FOXP1: variants seen among roughly 807,000 people sequenced by gnomAD.
FOXP1 encodes forkhead box P1.
Under a neutral mutation model 98.2 loss-of-function variants are expected in FOXP1, and 15 were observed. The ratio of observed to expected loss-of-function variants is 0.15; its 90% CI spans 0.10 to 0.24. The LOEUF (loss-of-function observed/expected upper bound fraction) is 0.24. FOXP1 is among the 10% of genes least tolerant of loss of function. The pLI is 1.00. For synonymous variants in FOXP1, 371 were observed against 314.5 expected, an observed-to-expected ratio of 1.18 and a Z score of -1.90; for missense variants, 633 against 848.5, an observed-to-expected ratio of 0.75 and a Z score of 3.15.
rs541979281 is a variant in FOXP1, at chr3:70,966,802, C to T, written c.1723-746G>A. 2.6e-5 allele frequency among the ~76,000 whole-genome samples: 4 copies of T among 152,018 alleles called. 1 individual carries two copies. Among genetic ancestry groups the T allele is most frequent in the African/African-American group, 9.6e-5 (4 of 41,478 alleles). On this transcript the variant is annotated intron_variant, in intron 19 of 20. Coordinates refer to ENST00000649528, the MANE Select transcript of FOXP1 (RefSeq NM_001349338.3). Reference sequence around the variant, plus strand: ...CAAAGTTACTCCACGTGAGTGTCAGCAAAAAAGTGAGGAAATGAAAAAGAA... The same window carrying T: ...CAAAGTTACTCCACGTGAGTGTCAGTAAAAAAGTGAGGAAATGAAAAAGAA...
In FOXP1 at chr3:71,176,665, C is replaced by T. The variant is rs192086516; in HGVS notation, c.180+21537G>A. On this transcript the variant is annotated intron_variant, in intron 6 of 20. Transcript: ENST00000649528. ...CTCGGGTGGGAGGATTGCTTGAGCCCAGGAGTTCAAGGCTGCAGTGAGCTA... is the reference window on the plus strand; with the variant it reads ...CTCGGGTGGGAGGATTGCTTGAGCCTAGGAGTTCAAGGCTGCAGTGAGCTA... Among the ~76,000 whole-genome samples, 515 of 149,442 alleles carry T rather than the reference C, an allele frequency of 3.4e-3. 8 individuals carry two copies. Among genetic ancestry groups the T allele is most frequent in the African/African-American group, 0.013 (506 of 40,250 alleles).
intron 5 of FOXP1, among the ~76,000 whole-genome samples, chr3:71,297,465 A>C (rs1448135033): frequency 1.3e-5 from 2 of 150,348 alleles, no homozygotes; most frequent in African/African-American, 4.9e-5. Flanking sequence ...CAGAAGAAAA[A>C]TAATTCATGC....
In FOXP1 at chr3:71,582,755, C is replaced by A. The variant is rs1050005748; in HGVS notation, c.-447+816G>T. 5.1e-6 allele frequency: 5 copies of A among 985,322 alleles called. No individual in the cohort carries two copies. The East Asian group carries it at 3.4e-4, about 67-fold the overall frequency. 61.0% of individuals were successfully genotyped at this position (985,322 alleles called of 1,614,324 possible). On this transcript the variant is annotated intron_variant, in intron 1 of 20. Coordinates refer to ENST00000649528, the MANE Select transcript of FOXP1 (RefSeq NM_001349338.3). ...GTCTCGGGAAAGCGGAGGCCGAGCG[C>A]GCGTAGGGGTGCGTGTCTGGCTGGG...
At chr3:71,339,651 T>C (rs1488697090) in intron 4 of FOXP1, among the ~76,000 whole-genome samples, 1 of 152,236 alleles carries the variant, frequency 6.6e-6, no homozygotes. Context: ...GGGCTCAAAT[T>C]AGCAAGATTT....
intron 7 of FOXP1, among the ~76,000 whole-genome samples, chr3:71,075,374 T>C (rs937777202): frequency 1.3e-5 from 2 of 152,246 alleles, no homozygotes; most frequent in Admixed American, 6.5e-5. Context: ...CACTTTTCCT[T>C]CAATTTCTTC....
intron 3 of FOXP1, among the ~76,000 whole-genome samples, chr3:71,392,462 G>C (rs2081103622): frequency 6.6e-6 from 1 of 152,140 alleles, no homozygotes; most frequent in South Asian, 2.1e-4. Flanking sequence ...AAAGGAAGTG[G>C]TAAACTTAAG....
At chr3:71,209,601 T>C (rs1360962249) in intron 5 of FOXP1, among the ~76,000 whole-genome samples, 3 of 152,210 alleles carry the variant, frequency 2.0e-5, no homozygotes, top group Admixed American at 6.5e-5. Context: ...AGCTTATCAA[T>C]AAAATCTTAG....
chr3:71,293,685 T>C (rs1224228018), intron 5 of FOXP1, among the ~76,000 whole-genome samples: 4 of 152,160 alleles, frequency 2.6e-5, no homozygotes, highest in Non-Finnish European at 5.9e-5. Flanking sequence ...TTTAAGAAAT[T>C]TTTTTTCTTT....
intron 2 of FOXP1, among the ~76,000 whole-genome samples, chr3:71,577,319 C>T (rs2047801014): frequency 2.0e-5 from 3 of 152,084 alleles, no homozygotes; most frequent in South Asian, 4.1e-4. Flanking sequence ...AACCAAAACA[C>T]TTCTAGAAAT....
In FOXP1 at chr3:71,046,955, T is replaced by C. The variant is rs779678610; in HGVS notation, c.651A>G (p.Gln217=). The C allele has an allele frequency of 6.2e-6, 10 of 1,613,524 alleles. No homozygotes were observed. Among genetic ancestry groups the C allele is most frequent in the Non-Finnish European group, 8.5e-6 (10 of 1,179,878 alleles). ...ATCAACGCATACCTTGAGCAAGAGGTTGAAGGGGAAGGGCAGGCTGCCCGG... is the reference window on the plus strand; with the variant it reads ...ATCAACGCATACCTTGAGCAAGAGGCTGAAGGGGAAGGGCAGGCTGCCCGG... ...IQPGQPALPL[Q]PLAQGMIPTE... is the part of the protein sequence containing the mutation. The change falls in exon 10 of 21, where the codon CAA becomes CAG. Residue 217 remains glutamine (Q), a synonymous_variant. Coordinates refer to ENST00000649528, the MANE Select transcript of FOXP1 (RefSeq NM_001349338.3).
chr3:71,119,346 T>C (rs112178332), intron 6 of FOXP1, among the ~76,000 whole-genome samples: 168 of 152,298 alleles, frequency 1.1e-3, no homozygotes, highest in African/African-American at 3.8e-3. Flanking sequence ...CCCTGAGAAG[T>C]TGTCCCATTT....
rs544110180 is a variant in FOXP1 at position 70,957,621 on chromosome 3, G to T, written c.*1626C>A. 2 of 232,972 alleles carry T rather than the reference G, an allele frequency of 8.6e-6. No individual in the cohort carries two copies. Among genetic ancestry groups the T allele is most frequent in the South Asian group, 1.8e-4 (1 of 5,514 alleles). The allele number at this position is 232,972 out of a possible 1,614,324, so 14.4% of individuals were successfully genotyped here. A position where few individuals can be genotyped will look rare whatever the true frequency, so the allele number is the denominator to read the frequency against. On this transcript the variant is annotated 3_prime_UTR_variant, in exon 21 of 21. Transcript: ENST00000649528. ...ATATAAATAAATGACAGGAAAGTGG[G>T]TGCAGAGCTGAAGTGTGGAGGGGTT...
chr3:71,072,813 G>A (rs1345745142), intron 7 of FOXP1, among the ~76,000 whole-genome samples: 1 of 152,190 alleles, frequency 6.6e-6, no homozygotes, highest in Non-Finnish European at 1.5e-5. Context: ...AGCATCAGGT[G>A]GCTGCTACTG....
In FOXP1 at chr3:71,520,676, C is replaced by T. The variant is rs567952960; in HGVS notation, c.-297-27121G>A. Among the ~76,000 whole-genome samples the T allele has an allele frequency of 7.9e-5, 12 of 152,228 alleles. No homozygotes were observed. The South Asian group carries it at 2.5e-3, about 32-fold the overall frequency. ...AAAAGAATGAGTAAGTCAGGCATAC[C>T]CAAAATGCTGAGAACAGTGTGTATC... is the stretch of plus-strand genomic sequence containing the variant. On this transcript the variant is annotated intron_variant, in intron 2 of 20. Coordinates refer to ENST00000649528, the MANE Select transcript of FOXP1 (RefSeq NM_001349338.3).
At chr3:71,561,478 G>T (rs557324933) in intron 2 of FOXP1, among the ~76,000 whole-genome samples, 1 of 150,674 alleles carries the variant, frequency 6.6e-6, no homozygotes, top group Non-Finnish European at 1.5e-5. Context: ...GACCCGTTGT[G>T]ATTACAGTAT....
chr3:71,178,097 G>T lies in FOXP1; in HGVS notation c.180+20105C>A, dbSNP rs201004764. Among the ~76,000 whole-genome samples the T allele has an allele frequency of 1.1e-4, 16 of 149,726 alleles. No individual in the cohort carries two copies. The East Asian group carries it at 2.0e-3, about 18-fold the overall frequency. ...AATCATCCTGCCTCGGCCTCCCAAA[G>T]TGCTGGGATTTACAGGTGTGAGCCA... On this transcript the variant is annotated intron_variant, in intron 6 of 20. Transcript: ENST00000649528.
intron 5 of FOXP1, among the ~76,000 whole-genome samples, chr3:71,202,928 C>T (rs1349360742): frequency 6.6e-6 from 1 of 152,202 alleles, no homozygotes; most frequent in Non-Finnish European, 1.5e-5. Flanking sequence ...GTTGCACCCT[C>T]TTTTCTTCGA....
chr3:71,483,442 C>T (rs1274398849), intron 3 of FOXP1, among the ~76,000 whole-genome samples: 2 of 152,306 alleles, frequency 1.3e-5, no homozygotes, highest in Admixed American at 6.5e-5. Context: ...AATCTTCTTC[C>T]AGACTGGGGC....
intron 4 of FOXP1, 51 bp downstream of exon 4, chr3:71,359,099 T>C (rs1194359851): frequency 1.3e-5 from 2 of 152,062 alleles, no homozygotes; most frequent in Non-Finnish European, 2.9e-5. Context: ...CCCGCAAAGG[T>C]AGATGGCAAT....
Sources: allele counts gnomAD v4.1 joint callset (sites outside exome capture counted in the v4.1 genomes callset), GRCh38; gene constraint gnomAD v4.1.1; transcripts MANE v1.5; gene names NCBI Gene and HGNC (gene_info 2026-07-23, HGNC 2026-07-21).